Variants in CHRNG observed in about 807,000 individuals in gnomAD.
CHRNG encodes acetylcholine receptor subunit gamma.
A neutral mutation model predicts 65.2 loss-of-function variants in CHRNG; 72 were observed. That is an observed-to-expected ratio of 1.10 (90% CI 0.91 to 1.34). The LOEUF is 1.34. Ranked by LOEUF, CHRNG falls within the 40% of genes most tolerant of loss-of-function variation. The pLI is 0.00. For synonymous variants in CHRNG, 284 were observed against 290.2 expected (o/e 0.98, Z 0.22); for missense variants, 637 against 680.1 (o/e 0.94, Z 0.70).
rs962431174 is a variant in CHRNG at position 232,540,407 on chromosome 2, C to T, written c.222C>T (p.Thr74=). The T allele has an allele frequency of 1.2e-6, 2 of 1,614,074 alleles. No individual in the cohort carries two copies. The highest frequency in any genetic ancestry group is 2.7e-5 in the African/African-American group (2 of 75,036). ...ACGAGCGAGAGGAAGCCCTCACCAC[C>T]AATGTCTGGATAGAGATGGTAAGAG... The part of the protein sequence containing the change: ...SLNEREEALT[T]NVWIEMQWCD... Residue 74 remains threonine, a synonymous_variant, in exon 3 of 12, where the codon ACC becomes ACT. Transcript: ENST00000651502. The surrounding 1 kb of genome is among the most constrained non-coding windows in gnomAD (Gnocchi z 4.2).
intron 11 of CHRNG, 145 bp from the exon 12 acceptor site, chr2:232,545,398 T>TAG (rs1692107950): frequency 1.3e-6 from 1 of 759,014 alleles, no homozygotes. Context: ...GCCATGGAAT[T>TAG]AGCCACCAGT....
intron 11 of CHRNG, 66 bp from the exon 12 acceptor site, chr2:232,545,477 G>A (rs1692111054): frequency 1.4e-6 from 2 of 1,432,240 alleles, no homozygotes; most frequent in Non-Finnish European, 1.9e-6. Flanking sequence ...GCCCAAGGAT[G>A]AGAACAGGAC....
At chr2:232,544,609 A>G (rs371919119) in intron 10 of CHRNG, 29 bp downstream of exon 10, 9 of 1,591,698 alleles carry the variant, frequency 5.7e-6, no homozygotes, top group Admixed American at 1.7e-5. Context: ...GCCTGGGGAC[A>G]GTCCTCCCCT....
rs541580120 is a variant in CHRNG at position 232,547,570 on chromosome 2, T to C, written c.*1854T>C. On this transcript the variant is annotated 3_prime_UTR_variant, in exon 12 of 12. Coordinates refer to ENST00000651502, the MANE Select transcript of CHRNG (RefSeq NM_005199.5). ...TCTTTGGGATTCAATCACCAGCAAG[T>C]TCGTATTATTTACTCCAGTGTGAGT... 6.6e-6 allele frequency among the ~76,000 whole-genome samples: 1 copy of C among 152,276 alleles called. No individual in the cohort carries two copies. The highest frequency in any genetic ancestry group is 2.1e-4 in the South Asian group (1 of 4,820).
intron 5 of CHRNG, 23 bp from the exon 6 acceptor site, chr2:232,542,400 C>T (rs764775180): frequency 1.5e-5 from 23 of 1,557,488 alleles, no homozygotes; most frequent in East Asian, 2.2e-5. Flanking sequence ...TCACATTTAG[C>T]CTCTTTCCTC....
Position 232,543,369 on chromosome 2 carries a change from G to A in CHRNG, c.900G>A (p.Gln300=). The A allele has an allele frequency of 6.2e-7, 1 of 1,613,794 alleles. No homozygotes were observed. The highest frequency in any genetic ancestry group is 8.5e-7 in the Non-Finnish European group (1 of 1,179,728). The change falls in exon 8 of 12, where the codon CAG becomes CAA. Residue 300 remains glutamine, a synonymous_variant. Transcript: ENST00000651502. ...LVAKKVPETS[Q]AVPLISKYLT... ...CCAAGAAGGTGCCTGAAACCTCCCA[G>A]GCGGTGCCACTCATCAGCAAGTAAG...
In CHRNG at chr2:232,544,487, G is replaced by A. The variant is rs1456206105; in HGVS notation, c.1156G>A (p.Gly386Arg). 1 of 1,613,776 alleles carries A rather than the reference G, an allele frequency of 6.2e-7. No individual in the cohort carries two copies. Among genetic ancestry groups the A allele is most frequent in the Non-Finnish European group, 8.5e-7 (1 of 1,179,954 alleles). The change falls in exon 10 of 12, where the codon GGG (glycine) becomes AGG (arginine). Residue 386 changes from glycine (G) to arginine (R), a missense_variant. Coordinates refer to ENST00000651502, the MANE Select transcript of CHRNG (RefSeq NM_005199.5). ...CTCCTCGGGATGGTCGATCACAACT[G>A]GGGAGGAGGTGGCCCTCTGCCTGCC... Reference protein sequence around the residue: ...NGSSGWSITTGEEVALCLPRS... With the variant: ...NGSSGWSITTREEVALCLPRS...
intron 5 of CHRNG, 149 bp from the exon 6 acceptor site, chr2:232,542,274 C>T (rs142307946): frequency 4.3e-5 from 29 of 671,724 alleles, no homozygotes; most frequent in Middle Eastern, 6.4e-4. Context: ...CTCCATATCT[C>T]GCCAGTGGGG....
intron 5 of CHRNG, 114 bp from the exon 6 acceptor site, chr2:232,542,309 G>C: frequency 1.4e-6 from 1 of 729,900 alleles, no homozygotes; most frequent in Non-Finnish European, 2.5e-6. Context: ...CAGAAGCGTG[G>C]GGCTGCATTT....
At position 232,543,341 on chromosome 2, in the gene CHRNG, T is replaced by C; in HGVS notation, c.872T>C (p.Val291Ala). The C allele has an allele frequency of 6.2e-7, 1 of 1,614,108 alleles. No homozygotes were observed. Among genetic ancestry groups the C allele is most frequent in the Non-Finnish European group, 8.5e-7 (1 of 1,180,002 alleles). The change falls in exon 8 of 12, where the codon GTG (valine) becomes GCG (alanine). Residue 291 changes from valine (V) to alanine (A), a missense_variant. Coordinates refer to ENST00000651502, the MANE Select transcript of CHRNG (RefSeq NM_005199.5). ...GCCCAGACTGTCTTCCTCTTCCTTGTGGCCAAGAAGGTGCCTGAAACCTCC... is the reference window on the plus strand; with the variant it reads ...GCCCAGACTGTCTTCCTCTTCCTTGCGGCCAAGAAGGTGCCTGAAACCTCC... ...LLAQTVFLFLVAKKVPETSQA... is the reference protein window; with the variant it reads ...LLAQTVFLFLAAKKVPETSQA...
Position 232,545,663 on chromosome 2 carries a change from C to G in CHRNG, c.1501C>G (p.Pro501Ala), listed in dbSNP as rs1419819122. 6.2e-7 allele frequency: 1 copy of G among 1,614,144 alleles called. No homozygotes were observed. The highest frequency in any genetic ancestry group is 1.7e-5 in the Admixed American group (1 of 60,024). Residue 501 changes from proline (P) to alanine (A), a missense_variant, in exon 12 of 12, where the codon CCG becomes GCG. By Grantham distance (27) the Pro-to-Ala change is conservative. Transcript: ENST00000651502. ...CCTCATGGCCCACTACAACCGGGTG[C>G]CGGCCCTGCCATTCCCTGGAGATCC... ...IFLMAHYNRV[P>A]ALPFPGDPRP... is the part of the protein sequence containing the mutation.
chr2:232,542,671 A>T lies in CHRNG; in HGVS notation c.604+151A>T. 4 of 734,668 alleles carry T rather than the reference A, an allele frequency of 5.4e-6. No individual in the cohort carries two copies. The South Asian group carries it at 6.1e-5, about 11-fold the overall frequency. The allele number at this position is 734,668 out of a possible 1,614,324, so 45.5% of individuals were successfully genotyped here. On this transcript the variant is annotated intron_variant, in intron 6 of 11. Coordinates refer to ENST00000651502, the MANE Select transcript of CHRNG (RefSeq NM_005199.5). ...ATAAAATATGCTTTTTAAAACGTCC[A>T]ACAAAGCTCTGACTTTCCTCATGAT...
Position 232,541,648 on chromosome 2 carries a change from T to C in CHRNG, c.506+119T>C. 7.9e-7 allele frequency: 1 copy of C among 1,257,960 alleles called. No individual in the cohort carries two copies. 77.9% of individuals were successfully genotyped at this position (1,257,960 alleles called of 1,614,324 possible). A position where few individuals can be genotyped will look rare whatever the true frequency, so the allele number is the denominator to read the frequency against. ...CTCTGGCAGCACCTAGAGGCCTGGC[T>C]CCATCTCCCCTGGGCCTCTGTGCCC... On this transcript the variant is annotated intron_variant, in intron 5 of 11. Transcript: ENST00000651502. This position sits in a 1 kb window ranked among gnomAD's most constrained non-coding sequence, Gnocchi z 4.0.
chr2:232,545,504 G>A lies in CHRNG; in HGVS notation c.1381-39G>A, dbSNP rs778042651. On this transcript the variant is annotated intron_variant, in intron 11 of 11. Coordinates refer to ENST00000651502, the MANE Select transcript of CHRNG (RefSeq NM_005199.5). ...GAACAGGACCCAGGGAAGACCTGGTGCCGCCGCTGGTTATCCCACACCTGC... is the reference window on the plus strand; with the variant it reads ...GAACAGGACCCAGGGAAGACCTGGTACCGCCGCTGGTTATCCCACACCTGC... 4.4e-6 allele frequency: 7 copies of A among 1,589,342 alleles called. No homozygotes were observed. In the African/African-American group the frequency reaches 8.1e-5, roughly 18 times the overall value.
At position 232,540,242 on chromosome 2, in the gene CHRNG, C is replaced by A. The variant is rs1691988806; in HGVS notation, c.195+111C>A. 1 of 1,601,632 alleles carries A rather than the reference C, an allele frequency of 6.2e-7. No homozygotes were observed. Among genetic ancestry groups the A allele is most frequent in the Non-Finnish European group, 8.6e-7 (1 of 1,169,568 alleles). On this transcript the variant is annotated intron_variant, in intron 2 of 11. Transcript: ENST00000651502. This position sits in a 1 kb window ranked among gnomAD's most constrained non-coding sequence, Gnocchi z 4.2. ...GTTGGAGGGCCCTAAATCGGACAGGCTGGGGTCTGGAAAACCCCCATGGTT... is the reference window on the plus strand; with the variant it reads ...GTTGGAGGGCCCTAAATCGGACAGGATGGGGTCTGGAAAACCCCCATGGTT...
Position 232,541,108 on chromosome 2 carries a change from TATTATTATTATG to T in CHRNG, c.351-261_351-250del, listed in dbSNP as rs1197135669. 2.0e-5 allele frequency among the ~76,000 whole-genome samples: 3 copies of T among 150,990 alleles called. No individual in the cohort carries two copies. Among genetic ancestry groups the T allele is most frequent in the Non-Finnish European group, 2.9e-5 (2 of 67,930 alleles). On this transcript the variant is annotated intron_variant, in intron 4 of 11. Transcript: ENST00000651502. This position sits in a 1 kb window ranked among gnomAD's most constrained non-coding sequence, Gnocchi z 4.0. ...TCGCTATTATGACTATTATTATTAT[TATTATTATTATG>T]ATTAAAACAAGAGAGAGTAAGATAA...
intron 8 of CHRNG, 91 bp downstream of exon 8, chr2:232,543,480 A>ACCT: frequency 3.6e-6 from 4 of 1,110,086 alleles, no homozygotes; most frequent in Admixed American, 2.0e-5. Context: ...CCCTCCATCC[A>ACCT]CCCCCCCCAT....
chr2:232,540,548 A>C lies in CHRNG; in HGVS notation c.241-54A>C. The C allele has an allele frequency of 6.3e-6, 10 of 1,599,616 alleles. No individual in the cohort carries two copies. The highest frequency in any genetic ancestry group is 8.5e-6 in the Non-Finnish European group (10 of 1,173,300). ...CCTCTTGGGCTGGATGCCCACTCCT[A>C]GGGCTGTGGTGCAGCAGAGGGCAGA... On this transcript the variant is annotated intron_variant, in intron 3 of 11. Coordinates refer to ENST00000651502, the MANE Select transcript of CHRNG (RefSeq NM_005199.5). This position sits in a 1 kb window ranked among gnomAD's most constrained non-coding sequence, Gnocchi z 4.2.
In CHRNG at chr2:232,540,608, T is replaced by C. The variant is rs1691995726; in HGVS notation, c.247T>C (p.Cys83Arg). Residue 83 changes from cysteine to arginine, a missense_variant, in exon 4 of 12, where the codon TGC (cysteine) becomes CGC (arginine). Physicochemically the swap from Cys to Arg is radical, Grantham distance 180. Coordinates refer to ENST00000651502, the MANE Select transcript of CHRNG (RefSeq NM_005199.5). The surrounding 1 kb of genome is among the most constrained non-coding windows in gnomAD (Gnocchi z 4.2). ...TTNVWIEMQW[C>R]DYRLRWDPRD... is the part of the protein sequence containing the mutation. The stretch of plus-strand genomic sequence containing the variant: ...ACTGCCCCTCCCCCTGCAGCAGTGG[T>C]GCGACTATCGCCTGCGCTGGGATCC... 1.9e-6 allele frequency: 3 copies of C among 1,611,508 alleles called. No homozygotes were observed. Among genetic ancestry groups the C allele is most frequent in the South Asian group, 2.2e-5 (2 of 91,040 alleles).
Sources: gnomAD v4.1 joint callset for allele counts (sites outside exome capture counted in the v4.1 genomes callset) on GRCh38, gnomAD v4.1.1 for gene constraint, Gnocchi (gnomAD v3.1) non-coding constraint, MANE v1.5 for transcripts, NCBI Gene and HGNC (gene_info 2026-07-23, HGNC 2026-07-21) for gene names.